The following NAALADL2 variants were observed in gnomAD, a reference collection of about 807,000 sequenced individuals.
NAALADL2 encodes the protein inactive N-acetylated-alpha-linked acidic dipeptidase-like protein 2.
A neutral mutation model predicts 87.2 loss-of-function variants in NAALADL2; 76 were observed. The ratio of observed to expected loss-of-function variants is 0.87; its 90% CI spans 0.72 to 1.05. The LOEUF is 1.05. Ranked by LOEUF, NAALADL2 falls within the 50% of genes least tolerant of loss-of-function variation. The probability of loss-of-function intolerance (pLI) is 0.00; values close to 1 mark genes in which losing one functional copy is unlikely to be tolerated. For synonymous variants in NAALADL2, 354 were observed against 331.0 expected, an observed-to-expected ratio of 1.07 and a Z score of -0.75; for missense variants, 1,089 against 945.8, an observed-to-expected ratio of 1.15 and a Z score of -1.99.
At chr3:174,706,356 G>C (rs934442430) in intron 2 of NAALADL2, among the ~76,000 whole-genome samples, 3 of 152,104 alleles carry the variant, frequency 2.0e-5, no homozygotes, top group Admixed American at 2.0e-4. Context: ...AACATTTGAA[G>C]GAAAACATAA....
chr3:174,474,204 C>A (rs1040749835), intron 1 of NAALADL2, among the ~76,000 whole-genome samples: 2 of 152,142 alleles, frequency 1.3e-5, no homozygotes, highest in Admixed American at 1.3e-4. Flanking sequence ...ATTACACATG[C>A]TCTCTAAATA....
chr3:174,545,396 C>T (rs1407121015), intron 1 of NAALADL2, among the ~76,000 whole-genome samples: 1 of 152,102 alleles, frequency 6.6e-6, no homozygotes, highest in Non-Finnish European at 1.5e-5. Context: ...CAGTACCTTC[C>T]TAGGAAAGGG....
At chr3:174,708,721 C>A (rs541207544) in intron 2 of NAALADL2, among the ~76,000 whole-genome samples, 1 of 152,178 alleles carries the variant, frequency 6.6e-6, no homozygotes, top group African/African-American at 2.4e-5. Context: ...TTACAATGAC[C>A]TTTTCAGGTT....
chr3:174,491,358 G>A (rs1204452493), intron 1 of NAALADL2, among the ~76,000 whole-genome samples: 1 of 152,162 alleles, frequency 6.6e-6, no homozygotes, highest in Non-Finnish European at 1.5e-5. Context: ...GTTCATGGAA[G>A]TGTTGAGTAG....
chr3:175,160,072 CA>C (rs1309305687), intron 2 of NAALADL2, among the ~76,000 whole-genome samples: 1 of 150,742 alleles, frequency 6.6e-6, no homozygotes, highest in Non-Finnish European at 1.5e-5. Flanking sequence ...CTCCGAACCT[CA>C]AATAATCCAC....
chr3:175,777,254 T>A (rs1750370675), intron 13 of NAALADL2, among the ~76,000 whole-genome samples: 1 of 151,992 alleles, frequency 6.6e-6, no homozygotes, highest in Non-Finnish European at 1.5e-5. Flanking sequence ...GCAGTTAAGA[T>A]ATTGAAATTA....
At chr3:175,283,740 C>G (rs898658258) in intron 4 of NAALADL2, among the ~76,000 whole-genome samples, 1 of 151,998 alleles carries the variant, frequency 6.6e-6, no homozygotes, top group Admixed American at 6.6e-5. Context: ...TGTGAGAGAC[C>G]CCTGAACTAA....
chr3:175,248,628 CTTATT>C (rs1411898926), intron 3 of NAALADL2, among the ~76,000 whole-genome samples: 3 of 152,058 alleles, frequency 2.0e-5, no homozygotes, highest in Non-Finnish European at 2.9e-5. Flanking sequence ...TATTCATTCA[CTTATT>C]TTATTTAGTT....
intron 5 of NAALADL2, among the ~76,000 whole-genome samples, chr3:175,420,111 C>T (rs772848704): frequency 1.3e-5 from 2 of 151,948 alleles, no homozygotes; most frequent in African/African-American, 2.4e-5. Flanking sequence ...CATCACCCAT[C>T]TGTAAATATA....
intron 2 of NAALADL2, among the ~76,000 whole-genome samples, chr3:175,171,013 G>C (rs1734726617): frequency 6.6e-6 from 1 of 151,680 alleles, no homozygotes; most frequent in African/African-American, 2.4e-5. Flanking sequence ...AATTTCTCTA[G>C]TTTCCATAAG....
At chr3:175,481,405 A>G (rs1379333480) in intron 9 of NAALADL2, among the ~76,000 whole-genome samples, 1 of 150,882 alleles carries the variant, frequency 6.6e-6, no homozygotes, top group East Asian at 1.9e-4. Flanking sequence ...CTTTTCAATT[A>G]GGAAGCTTGG....
At chr3:175,480,030 A>G (rs1726230743) in intron 9 of NAALADL2, among the ~76,000 whole-genome samples, 1 of 151,784 alleles carries the variant, frequency 6.6e-6, no homozygotes, top group Admixed American at 6.6e-5. Context: ...ATTTTTATGG[A>G]TGACTGCTTT....
chr3:174,487,533 G>GT (rs1026479444), intron 1 of NAALADL2, among the ~76,000 whole-genome samples: 1 of 151,974 alleles, frequency 6.6e-6, no homozygotes, highest in African/African-American at 2.4e-5. Flanking sequence ...TTATAAAATA[G>GT]TTAACAGAGA....
intron 5 of NAALADL2, among the ~76,000 whole-genome samples, chr3:175,372,284 C>T (rs1766603808): frequency 6.6e-6 from 1 of 152,290 alleles, no homozygotes; most frequent in African/African-American, 2.4e-5. Flanking sequence ...AGCTTGCTCA[C>T]GCTCTGCCTT....
intron 9 of NAALADL2, among the ~76,000 whole-genome samples, chr3:175,474,920 C>A (rs1725452495): frequency 6.6e-6 from 1 of 151,960 alleles, no homozygotes; most frequent in African/African-American, 2.4e-5. Flanking sequence ...AAGTCCCCAG[C>A]ACCTTATTAT....
At chr3:175,591,127 A>G (rs142774735) in intron 10 of NAALADL2, among the ~76,000 whole-genome samples, 1,991 of 152,282 alleles carry the variant, frequency 0.013, 44 homozygotes, top group African/African-American at 0.045. Flanking sequence ...TTCAACTTGT[A>G]TAGGTGGGTG....
At chr3:174,692,817 T>A (rs1057487099) in intron 2 of NAALADL2, among the ~76,000 whole-genome samples, 1 of 151,896 alleles carries the variant, frequency 6.6e-6, no homozygotes, top group African/African-American at 2.4e-5. Context: ...GTAAAAATGC[T>A]GTGTAAAATA....
At position 175,379,117 on chromosome 3, in the gene NAALADL2, G is replaced by A. The variant is rs9856818; in HGVS notation, c.1090+54792G>A. Among the ~76,000 whole-genome samples, 33 of 151,528 alleles carry A rather than the reference G, an allele frequency of 2.2e-4. 2 individuals are homozygous for A. The South Asian group carries it at 6.9e-3, about 32-fold the overall frequency. On this transcript the variant is annotated intron_variant, in intron 5 of 13. Coordinates refer to ENST00000454872, the MANE Select transcript of NAALADL2 (RefSeq NM_207015.3). The stretch of plus-strand genomic sequence containing the variant: ...TGTGAATTTTGTGGACAGATTGCCT[G>A]TCCCCAAATTTTGGACCCACTGGTT...
intron 1 of NAALADL2, among the ~76,000 whole-genome samples, chr3:175,055,767 C>T (rs574490898): frequency 1.1e-4 from 16 of 152,208 alleles, no homozygotes; most frequent in African/African-American, 1.9e-4. Context: ...TTTTTTAGTA[C>T]GACCATGCTT....
Sources: gnomAD v4.1 joint callset for allele counts (sites outside exome capture counted in the v4.1 genomes callset) on GRCh38, gnomAD v4.1.1 for gene constraint, MANE v1.5 for transcripts, NCBI Gene and HGNC (gene_info 2026-07-23, HGNC 2026-07-21) for gene names.